The following WWOX variants were observed in gnomAD, a reference collection of about 807,000 sequenced individuals.
The protein encoded by WWOX is WW domain containing oxidoreductase, also known as WW domain-containing oxidoreductase.
In WWOX, 69 loss-of-function variants were observed where a neutral mutation model predicts 46.2. The observed-to-expected ratio is 1.49, with a 90% confidence interval of 1.23 to 1.82. The LOEUF (loss-of-function observed/expected upper bound fraction) is 1.82. WWOX is among the 40% of genes most tolerant of loss of function. WWOX has a pLI of 0.00. For missense variants in WWOX, 919 were observed against 542.6 expected (o/e 1.69, Z -6.89); for synonymous variants, 359 against 202.6 (o/e 1.77, Z -6.56).
At chr16:78,426,532 T>C (rs987303234) in intron 7 of WWOX, among the ~76,000 whole-genome samples, 2 of 152,214 alleles carry the variant, frequency 1.3e-5, no homozygotes, top group Non-Finnish European at 2.9e-5. Flanking sequence ...AGGAAGGGAC[T>C]TGGGCTCTTG....
intron 8 of WWOX, among the ~76,000 whole-genome samples, chr16:78,970,508 C>G (rs144530152): frequency 7.7e-4 from 117 of 152,248 alleles, no homozygotes; most frequent in African/African-American, 2.3e-3. Flanking sequence ...AGACTCGACC[C>G]AAGGCATTGT....
intron 8 of WWOX, among the ~76,000 whole-genome samples, chr16:78,813,416 A>C (rs1310917837): frequency 6.6e-6 from 1 of 152,166 alleles, no homozygotes; most frequent in East Asian, 1.9e-4. Flanking sequence ...TGGTTACCAG[A>C]ATGGAGGATA....
intron 4 of WWOX, among the ~76,000 whole-genome samples, chr16:78,147,876 A>G (rs1351574055): frequency 6.6e-6 from 1 of 151,418 alleles, no homozygotes; most frequent in Non-Finnish European, 1.5e-5. Context: ...ACAGGGGTGG[A>G]AACTATGTTG....
At chr16:78,925,724 G>C (rs913927991) in intron 8 of WWOX, among the ~76,000 whole-genome samples, 11 of 152,166 alleles carry the variant, frequency 7.2e-5, no homozygotes, top group South Asian at 6.2e-4. Context: ...CCAGAGCTTT[G>C]GTCATATTTT....
chr16:78,837,158 A>G (rs13332126), intron 8 of WWOX, among the ~76,000 whole-genome samples: 28,052 of 152,218 alleles, frequency 0.18, 2,888 homozygotes, highest in Middle Eastern at 0.31. Context: ...GAAACTTAAA[A>G]AAATGTTTAG....
At position 78,571,154 on chromosome 16, in the gene WWOX, C is replaced by T. The variant is rs112947584; in HGVS notation, c.1056+138402C>T. The stretch of plus-strand genomic sequence containing the variant: ...AGAAATGTACATTTCTGAAAATCCA[C>T]TGAGGAAGAAAGGGGCAGTGATGAT... On this transcript the variant is annotated intron_variant, in intron 8 of 8. Coordinates refer to ENST00000566780, the MANE Select transcript of WWOX (RefSeq NM_016373.4). Among the ~76,000 whole-genome samples, 770 of 152,302 alleles carry T rather than the reference C, an allele frequency of 5.1e-3. 3 individuals carry two copies. The highest frequency in any genetic ancestry group is 0.018 in the African/African-American group (738 of 41,574).
At chr16:79,208,203 A>G (rs1035488607) in intron 8 of WWOX, among the ~76,000 whole-genome samples, 3 of 152,230 alleles carry the variant, frequency 2.0e-5, no homozygotes, top group African/African-American at 7.2e-5. Flanking sequence ...ATGTTTGACT[A>G]GATCGGAAAT....
At chr16:79,023,289 T>C (rs1321935312) in intron 8 of WWOX, among the ~76,000 whole-genome samples, 2 of 152,226 alleles carry the variant, frequency 1.3e-5, no homozygotes, top group Non-Finnish European at 2.9e-5. Flanking sequence ...ATTGCATGTC[T>C]CTGTTGAATT....
At chr16:78,406,106 G>C (rs577973102) in intron 6 of WWOX, among the ~76,000 whole-genome samples, 2 of 151,586 alleles carry the variant, frequency 1.3e-5, no homozygotes, top group East Asian at 2.0e-4. Flanking sequence ...GATGCCCTTC[G>C]TATTGTGTAT....
rs150359163 is a variant in WWOX at position 78,925,128 on chromosome 16, G to A, written c.1057-286480G>A. ...GATGATTGGTTGAGCCTGGGAGGTC[G>A]AGGCTGCAGTGAGCAATGATATTGC... On this transcript the variant is annotated intron_variant, in intron 8 of 8. Coordinates refer to ENST00000566780, the MANE Select transcript of WWOX (RefSeq NM_016373.4). Among the ~76,000 whole-genome samples, 733 of 152,294 alleles carry A rather than the reference G, an allele frequency of 4.8e-3. 7 individuals carry two copies. The highest frequency in any genetic ancestry group is 0.016 in the African/African-American group (680 of 41,562).
At chr16:79,179,391 C>A (rs561964076) in intron 8 of WWOX, among the ~76,000 whole-genome samples, 1 of 152,170 alleles carries the variant, frequency 6.6e-6, no homozygotes, top group Non-Finnish European at 1.5e-5. Context: ...GTACACTTTC[C>A]ACCCTCCCCA....
intron 8 of WWOX, among the ~76,000 whole-genome samples, chr16:78,685,804 C>T (rs117711335): frequency 0.014 from 2,171 of 151,484 alleles, 24 homozygotes; most frequent in Middle Eastern, 0.041. Flanking sequence ...TCTGTAATCT[C>T]GGTCACTGTT....
chr16:78,129,006 A>AGAG (rs150039917), intron 4 of WWOX, among the ~76,000 whole-genome samples: 3,049 of 152,276 alleles, frequency 0.02, 115 homozygotes, highest in African/African-American at 0.07. Flanking sequence ...GACAAGGTAG[A>AGAG]GAGCTCTGTA....
chr16:79,121,591 G>A (rs968885715), intron 8 of WWOX, among the ~76,000 whole-genome samples: 2 of 152,156 alleles, frequency 1.3e-5, no homozygotes, highest in Non-Finnish European at 2.9e-5. Context: ...GACCGTGCTG[G>A]TGAGAGGTGG....
chr16:79,065,417 G>T lies in WWOX; in HGVS notation c.1057-146191G>T, dbSNP rs529673560. 5.9e-5 allele frequency among the ~76,000 whole-genome samples: 9 copies of T among 152,320 alleles called. No homozygotes were observed. In the South Asian group the frequency reaches 1.9e-3, roughly 32 times the overall value. On this transcript the variant is annotated intron_variant, in intron 8 of 8. Coordinates refer to ENST00000566780, the MANE Select transcript of WWOX (RefSeq NM_016373.4). ...AGCTAGGGAATGGAAAATGCTGATT[G>T]GTTGGGGATGAAATCATTGAAGTGT...
intron 8 of WWOX, among the ~76,000 whole-genome samples, chr16:78,900,457 A>T (rs930542817): frequency 2.6e-5 from 4 of 152,218 alleles, no homozygotes; most frequent in Admixed American, 6.5e-5. Context: ...TAGGAAAGTG[A>T]TTCATGAAAC....
intron 8 of WWOX, among the ~76,000 whole-genome samples, chr16:78,737,773 C>T (rs2049124526): frequency 6.6e-6 from 1 of 152,114 alleles, no homozygotes; most frequent in African/African-American, 2.4e-5. Context: ...CTGATTTCCC[C>T]CATCTGGCAG....
At chr16:78,100,441 C>G (rs938974890) in intron 1 of WWOX, among the ~76,000 whole-genome samples, 3 of 152,152 alleles carry the variant, frequency 2.0e-5, no homozygotes, top group African/African-American at 7.2e-5. Context: ...TTTGTAGAGA[C>G]TAGGGTCGCA....
At chr16:79,157,643 G>A (rs1001055337) in intron 8 of WWOX, among the ~76,000 whole-genome samples, 2 of 152,170 alleles carry the variant, frequency 1.3e-5, no homozygotes, top group Non-Finnish European at 2.9e-5. Context: ...GGTATGCTAA[G>A]ACCAGCAGAT....
Sources: gnomAD v4.1 joint callset for allele counts (sites outside exome capture counted in the v4.1 genomes callset) on GRCh38, gnomAD v4.1.1 for gene constraint, MANE v1.5 for transcripts, NCBI Gene and HGNC (gene_info 2026-07-23, HGNC 2026-07-21) for gene names.